The following MYO16 variants were observed in gnomAD, a reference collection of about 807,000 sequenced individuals.
The protein encoded by MYO16 is myosin XVI, also known as unconventional myosin-XVI.
MYO16 carries 94 observed loss-of-function variants against 205.3 expected under a neutral mutation model. That is an observed-to-expected ratio of 0.46 (90% CI 0.39 to 0.54). The LOEUF is 0.54. Among genes scored for constraint, MYO16 ranks in the 20% least tolerant of loss-of-function variants. The pLI, the probability that MYO16 is intolerant of heterozygous loss-of-function variation, is 0.00. For synonymous variants in MYO16, 988 were observed against 954.0 expected (o/e 1.04, Z -0.66); for missense variants, 2,315 against 2,387.5 (o/e 0.97, Z 0.63).
At chr13:108,510,044 G>A in the MYO16 span, among the ~76,000 whole-genome samples, 1 of 152,194 alleles carries the variant, frequency 6.6e-6, no homozygotes, top group African/African-American at 2.4e-5. Context: ...CCCAATATTA[G>A]TTCTGCCCTA....
At chr13:108,670,393 G>A (rs1363617686) in intron 2 of MYO16, among the ~76,000 whole-genome samples, 2 of 152,176 alleles carry the variant, frequency 1.3e-5, no homozygotes, top group Non-Finnish European at 2.9e-5. Flanking sequence ...AGGAGACTAT[G>A]GAGTACAGAG....
intron 32 of MYO16, chr13:109,164,117 G>A (rs7325447): frequency 0.39 from 58,981 of 152,146 alleles, 13,156 homozygotes; most frequent in Non-Finnish European, 0.51. Context: ...AAGGGAACTT[G>A]GCAGAGGTGG....
At chr13:109,112,225 A>T (rs1010957233) in intron 28 of MYO16, among the ~76,000 whole-genome samples, 2 of 152,222 alleles carry the variant, frequency 1.3e-5, no homozygotes, top group Non-Finnish European at 2.9e-5. Flanking sequence ...TATAGGCAAC[A>T]TAAAATCATT....
chr13:108,568,302 T>G, the MYO16 span, among the ~76,000 whole-genome samples: 1 of 152,180 alleles, frequency 6.6e-6, no homozygotes, highest in African/African-American at 2.4e-5. Context: ...AGTGATATTT[T>G]AAATTCCACC....
At chr13:109,137,727 G>A (rs1876847280) in intron 31 of MYO16, among the ~76,000 whole-genome samples, 4 of 152,006 alleles carry the variant, frequency 2.6e-5, no homozygotes, top group Non-Finnish European at 5.9e-5. Context: ...GTTGAGAACT[G>A]AGCGAAGCAC....
chr13:109,028,912 A>AT (rs35876085), intron 23 of MYO16, among the ~76,000 whole-genome samples: 24,090 of 151,340 alleles, frequency 0.16, 2,217 homozygotes, highest in Non-Finnish European at 0.2. Context: ...AAATACGTAG[A>AT]TTTTTTTCTT....
At chr13:109,017,285 T>C (rs1885861736) in intron 22 of MYO16, among the ~76,000 whole-genome samples, 1 of 152,232 alleles carries the variant, frequency 6.6e-6, no homozygotes, top group South Asian at 2.1e-4. Flanking sequence ...GAATGTTGAA[T>C]ATTGACCCCC....
At chr13:108,713,861 G>C (rs2139552741) in intron 3 of MYO16, among the ~76,000 whole-genome samples, 1 of 152,228 alleles carries the variant, frequency 6.6e-6, no homozygotes, top group African/African-American at 2.4e-5. Flanking sequence ...GGAATGTTTT[G>C]GTTATGAAAC....
intron 24 of MYO16, among the ~76,000 whole-genome samples, chr13:109,049,261 A>T (rs1185287171): frequency 6.6e-6 from 1 of 152,106 alleles, no homozygotes; most frequent in Non-Finnish European, 1.5e-5. Flanking sequence ...ACTCCTTGTA[A>T]TCCCAGTGAG....
At chr13:108,693,763 G>A (rs1362706847) in intron 2 of MYO16, among the ~76,000 whole-genome samples, 1 of 152,136 alleles carries the variant, frequency 6.6e-6, no homozygotes, top group Non-Finnish European at 1.5e-5. Flanking sequence ...TTATATAGGT[G>A]AACTCATGTC....
intron 2 of MYO16, among the ~76,000 whole-genome samples, chr13:108,705,093 A>G (rs907462498): frequency 6.6e-6 from 1 of 152,020 alleles, no homozygotes; most frequent in Non-Finnish European, 1.5e-5. Flanking sequence ...AAAATAAAAA[A>G]TAGAAAATTC....
chr13:108,880,245 G>A (rs1392881387), intron 12 of MYO16, among the ~76,000 whole-genome samples: 1 of 152,144 alleles, frequency 6.6e-6, no homozygotes, highest in Non-Finnish European at 1.5e-5. Flanking sequence ...TGAATTCTTT[G>A]TAGATTCTGG....
chr13:108,878,591 C>G (rs1879439534), intron 12 of MYO16, among the ~76,000 whole-genome samples: 2 of 152,232 alleles, frequency 1.3e-5, no homozygotes, highest in Admixed American at 6.5e-5. Context: ...GTCACACTGG[C>G]CCTCTGCCCT....
chr13:108,971,349 T>TTA (rs60564701), intron 20 of MYO16, among the ~76,000 whole-genome samples: 11,157 of 144,044 alleles, frequency 0.077, 425 homozygotes, highest in East Asian at 0.16. Context: ...TGTGTGTTGA[T>TTA]TATATATATA....
intron 5 of MYO16, among the ~76,000 whole-genome samples, chr13:108,786,252 A>T (rs759719775): frequency 6.6e-6 from 1 of 152,244 alleles, no homozygotes; most frequent in Admixed American, 6.5e-5. Context: ...CCCTATGGCC[A>T]TGATGCTAGC....
At position 108,957,885 on chromosome 13, in the gene MYO16, C is replaced by T. The variant is rs907567378; in HGVS notation, c.2037+86C>T. 14 of 1,051,474 alleles carry T rather than the reference C, an allele frequency of 1.3e-5. No homozygotes were observed. The African/African-American group carries it at 1.9e-4, about 14-fold the overall frequency. The allele number at this position is 1,051,474 out of a possible 1,614,324, so 65.1% of individuals were successfully genotyped here. A position where few individuals can be genotyped will look rare whatever the true frequency, so the allele number is the denominator to read the frequency against. ...ATTCATTCAAAAGCATTTACTGAGC[C>T]CCTATGACATTCCAGATGTTGCCGA... On this transcript the variant is annotated intron_variant, in intron 17 of 34. Transcript: ENST00000457511.
At chr13:109,174,715 C>G (rs1879082192) in intron 33 of MYO16, among the ~76,000 whole-genome samples, 1 of 151,788 alleles carries the variant, frequency 6.6e-6, no homozygotes, top group Admixed American at 6.6e-5. Context: ...TGCCATACCC[C>G]CCTTGAAAGT....
chr13:108,508,191 T>A, the MYO16 span, among the ~76,000 whole-genome samples: 7,533 of 151,976 alleles, frequency 0.05, 263 homozygotes, highest in Middle Eastern at 0.13. Flanking sequence ...GTTCTTTTGA[T>A]TGGGCCAAGT....
At chr13:109,156,064 T>G (rs917542872) in intron 32 of MYO16, among the ~76,000 whole-genome samples, 1 of 152,222 alleles carries the variant, frequency 6.6e-6, no homozygotes, top group Non-Finnish European at 1.5e-5. Context: ...AAGCCCTGTT[T>G]GCATTTCTTC....
Sources: gnomAD v4.1 joint callset for allele counts (sites outside exome capture counted in the v4.1 genomes callset) on GRCh38, gnomAD v4.1.1 for gene constraint, MANE v1.5 for transcripts, NCBI Gene and HGNC (gene_info 2026-07-23, HGNC 2026-07-21) for gene names.